The following LAMA5 variants were observed in gnomAD, a reference collection of about 807,000 sequenced individuals.
LAMA5 encodes the protein laminin subunit alpha-5.
Under a neutral mutation model 433.4 loss-of-function variants are expected in LAMA5, and 260 were observed. The ratio of observed to expected loss-of-function variants is 0.60; its 90% CI spans 0.54 to 0.66. The LOEUF (loss-of-function observed/expected upper bound fraction) is 0.66, where lower values mean the gene tolerates loss of function less well. Ranked by LOEUF, LAMA5 falls within the 30% of genes least tolerant of loss-of-function variation. The probability of loss-of-function intolerance (pLI) is 0.00; values close to 1 mark genes in which losing one functional copy is unlikely to be tolerated. For synonymous variants in LAMA5, 2,620 were observed against 2,226.6 expected (o/e 1.18, Z -4.97); for missense variants, 5,378 against 5,258.5 (o/e 1.02, Z -0.70).
chr20:62,329,010 G>A lies in LAMA5; in HGVS notation c.4281C>T (p.Leu1427=). 1 of 1,612,746 alleles carries A rather than the reference G, an allele frequency of 6.2e-7. No homozygotes were observed. ...SLFCRNAAAS[L]SLFYNNGARP... is the part of the protein sequence containing the mutation. ...GGGCTCCGTTGTTATAGAAGAGGGA[G>A]AGGGAAGCAGCAGCGTTTCGGCAGA... is the stretch of plus-strand genomic sequence containing the variant. The change falls in exon 34 of 80, where the codon CTC becomes CTT. Residue 1427 remains leucine (L), a synonymous_variant. Coordinates refer to ENST00000252999, the MANE Select transcript of LAMA5 (RefSeq NM_005560.6).
At position 62,324,106 on chromosome 20, in the gene LAMA5, G is replaced by A. The variant is rs750724054; in HGVS notation, c.5742C>T (p.Pro1914=). Reference sequence around the variant, plus strand: ...TGTTGGAAGGCACTGAGAGGGGGCAGGGGCAGCTGACACAGGGGGCGCTGG... The same window carrying A: ...TGTTGGAAGGCACTGAGAGGGGGCAAGGGCAGCTGACACAGGGGGCGCTGG... ...DDPSAPCVSC[P]CPLSVPSNNF... The change falls in exon 43 of 80, where the codon CCC becomes CCT. Residue 1914 remains proline, a synonymous_variant. Coordinates refer to ENST00000252999, the MANE Select transcript of LAMA5 (RefSeq NM_005560.6). This position sits in a 1 kb window ranked among gnomAD's most constrained non-coding sequence, Gnocchi z 4.4. 3 of 1,524,474 alleles carry A rather than the reference G, an allele frequency of 2.0e-6. No individual in the cohort carries two copies. The South Asian group carries it at 3.9e-5, about 20-fold the overall frequency. The allele number at this position is 1,524,474 out of a possible 1,614,324, so 94.4% of individuals were successfully genotyped here.
At position 62,335,561 on chromosome 20, in the gene LAMA5, C is replaced by G. The variant is rs181852091; in HGVS notation, c.2324-292G>C. Among the ~76,000 whole-genome samples the G allele has an allele frequency of 6.2e-4, 93 of 150,734 alleles. 1 individual carries two copies. In the East Asian group the frequency reaches 0.011, roughly 17 times the overall value. Reference sequence around the variant, plus strand: ...GAGCACACTCAGACTCCAGCCCCCCCCCAGGAACCCCTGTACCCCAACACT... The same window carrying G: ...GAGCACACTCAGACTCCAGCCCCCCGCCAGGAACCCCTGTACCCCAACACT... On this transcript the variant is annotated intron_variant, in intron 18 of 79. Coordinates refer to ENST00000252999, the MANE Select transcript of LAMA5 (RefSeq NM_005560.6).
chr20:62,338,466 A>C lies in LAMA5; in HGVS notation c.1618+2T>G. On this transcript the variant is annotated splice_donor_variant, in intron 12 of 79. Coordinates refer to ENST00000252999, the MANE Select transcript of LAMA5 (RefSeq NM_005560.6). LOFTEE classifies it high-confidence loss of function. ...GAGGTTGAGCGGGGAGAGGGGACTCACGCTGGCAGCCGGGGCCGTAGAACC... is the reference window on the plus strand; with the variant it reads ...GAGGTTGAGCGGGGAGAGGGGACTCCCGCTGGCAGCCGGGGCCGTAGAACC... 6.2e-7 allele frequency: 1 copy of C among 1,608,214 alleles called. No individual in the cohort carries two copies. Among genetic ancestry groups the C allele is most frequent in the African/African-American group, 1.3e-5 (1 of 75,024 alleles).
Position 62,312,184 on chromosome 20 carries a change from G to A in LAMA5, c.9493C>T (p.Arg3165Trp), listed in dbSNP as rs143386487. The change falls in exon 69 of 80, where the codon CGG (arginine) becomes TGG (tryptophan). Residue 3165 changes from arginine to tryptophan, a missense_variant. Transcript: ENST00000252999. ...SAQDSALLYY[R>W]ASPDGLCQVS... ...GTGTGAGGTCTCACCGGGGACGCCC[G>A]GTAGTAGAGCAGGGCACTGTCCTGG... is the stretch of plus-strand genomic sequence containing the variant. 2.9e-4 allele frequency: 464 copies of A among 1,610,504 alleles called. No homozygotes were observed. Among genetic ancestry groups the A allele is most frequent in the Non-Finnish European group, 2.4e-4 (279 of 1,179,170 alleles).
At position 62,317,496 on chromosome 20, in the gene LAMA5, G is replaced by T; in HGVS notation, c.7360C>A (p.Leu2454Met). The T allele has an allele frequency of 6.5e-7, 1 of 1,541,184 alleles. No individual in the cohort carries two copies. Among genetic ancestry groups the T allele is most frequent in the Non-Finnish European group, 8.8e-7 (1 of 1,141,018 alleles). Reference protein sequence around the residue: ...LHSLDQAKEELERLAASLDGA... With the variant: ...LHSLDQAKEEMERLAASLDGA... The stretch of plus-strand genomic sequence containing the variant: ...TCCAGGCTGGCGGCGAGGCGCTCCA[G>T]CTCCTGGAATTTGAGTGGACTTAGC... Residue 2454 changes from leucine (L) to methionine (M), a missense_variant, in exon 55 of 80, where the codon CTG becomes ATG. By Grantham distance (15) the Leu-to-Met change is conservative. Coordinates refer to ENST00000252999, the MANE Select transcript of LAMA5 (RefSeq NM_005560.6).
At chr20:62,320,432 G>A (rs1434711960) in intron 50 of LAMA5, 127 bp downstream of exon 50, 14 of 673,084 alleles carry the variant, frequency 2.1e-5, no homozygotes, top group African/African-American at 5.4e-5. Flanking sequence ...TAAGACTCTC[G>A]AGCTCCTGTC....
At chr20:62,349,344 A>C (rs991568776) in intron 6 of LAMA5, among the ~76,000 whole-genome samples, 2 of 151,684 alleles carry the variant, frequency 1.3e-5, no homozygotes, top group African/African-American at 4.8e-5. Flanking sequence ...CATCACAATA[A>C]ATCTGCAGAA....
At position 62,313,673 on chromosome 20, in the gene LAMA5, G is replaced by A. The variant is rs144487134; in HGVS notation, c.8634C>T (p.Val2878=). 37 of 1,612,630 alleles carry A rather than the reference G, an allele frequency of 2.3e-5. No homozygotes were observed. Among genetic ancestry groups the A allele is most frequent in the Non-Finnish European group, 2.5e-5 (30 of 1,179,966 alleles). ...CCGTGAAGGTACTGGGGTACCCCCC[G>A]ACGTAGAAGACGAAGTCGTCTGGCC... The part of the protein sequence containing the change: ...NLRPDDFVFY[V]GGYPSTFTPP... Residue 2878 remains valine, a synonymous_variant, in exon 63 of 80, where the codon GTC becomes GTT. Coordinates refer to ENST00000252999, the MANE Select transcript of LAMA5 (RefSeq NM_005560.6).
chr20:62,313,045 G>A, intron 65 of LAMA5, 35 bp from the exon 66 acceptor site: 2 of 1,599,556 alleles, frequency 1.3e-6, no homozygotes, highest in Non-Finnish European at 8.5e-7. Context: ...GTGGGGCAGG[G>A]TCAGTGCAAG....
intron 2 of LAMA5, among the ~76,000 whole-genome samples, chr20:62,358,597 T>A (rs780332426): frequency 6.6e-6 from 1 of 152,156 alleles, no homozygotes; most frequent in Non-Finnish European, 1.5e-5. Flanking sequence ...TGAGGCAGCC[T>A]GGGCGCGCTG....
intron 52 of LAMA5, 61 bp downstream of exon 52, chr20:62,318,782 C>G (rs1358131617): frequency 6.3e-7 from 1 of 1,587,882 alleles, no homozygotes; most frequent in Non-Finnish European, 8.6e-7. Flanking sequence ...CTGACCTCCC[C>G]CTTGGAGCTC....
rs554068591 is a variant in LAMA5, at chr20:62,310,700, C to T, written c.10411G>A (p.Gly3471Ser). 144 of 1,601,536 alleles carry T rather than the reference C, an allele frequency of 9.0e-5. 2 individuals are homozygous for T. Among genetic ancestry groups the T allele is most frequent in the East Asian group, 5.8e-4 (26 of 44,848 alleles). The change falls in exon 75 of 80, where the codon GGC (glycine) becomes AGC (serine). Residue 3471 changes from glycine (G) to serine (S), a missense_variant. Gly to Ser is a moderately conservative substitution (Grantham distance 56, BLOSUM62 0). Transcript: ENST00000252999. ...GAGCTGTGGCTGCTGGCCGGGAGGC[C>T]GCCCACAAAGAGGGTGTGGGGCTGG... ...HPQPHTLFVG[G>S]LPASSHSSKL...
chr20:62,361,428 C>A (rs1986119360), intron 2 of LAMA5, among the ~76,000 whole-genome samples: 1 of 152,216 alleles, frequency 6.6e-6, no homozygotes, highest in Non-Finnish European at 1.5e-5. Context: ...CGGGCCAGGC[C>A]TGCAGACCAC....
intron 16 of LAMA5, chr20:62,337,059 C>T: frequency 1.5e-6 from 1 of 651,068 alleles, no homozygotes; most frequent in East Asian, 3.0e-5. Flanking sequence ...GTGTGTGACA[C>T]ACGTCTGAAC....
chr20:62,329,798 G>A lies in LAMA5; in HGVS notation c.4098C>T (p.Pro1366=), dbSNP rs765064927. 24 of 1,612,172 alleles carry A rather than the reference G, an allele frequency of 1.5e-5. No individual in the cohort carries two copies. In the African/African-American group the frequency reaches 1.6e-4, roughly 11 times the overall value. The change falls in exon 32 of 80, where the codon CCC becomes CCT. Residue 1366 remains proline, a synonymous_variant. Transcript: ENST00000252999. The part of the protein sequence containing the change: ...HSELTVTVRV[P]KGRWLWLDYV... Reference sequence around the variant, plus strand: ...TCACCAGCCAGAGCCACCGGCCCTTGGGCACACGCACGGTCACAGTGAGCT... The same window carrying A: ...TCACCAGCCAGAGCCACCGGCCCTTAGGCACACGCACGGTCACAGTGAGCT...
rs749797460 is a variant in LAMA5 at position 62,331,013 on chromosome 20, C to A, written c.3650+19G>T. ...GGGCCCTCGGCCGCGCCCCTCCCAGCCCCATTACCTGCCATTACCTGTTGG... is the reference window on the plus strand; with the variant it reads ...GGGCCCTCGGCCGCGCCCCTCCCAGACCCATTACCTGCCATTACCTGTTGG... On this transcript the variant is annotated intron_variant, in intron 29 of 79. Coordinates refer to ENST00000252999, the MANE Select transcript of LAMA5 (RefSeq NM_005560.6). The A allele has an allele frequency of 1.5e-5, 24 of 1,590,364 alleles. No homozygotes were observed. The highest frequency in any genetic ancestry group is 2.1e-5 in the Non-Finnish European group (24 of 1,169,316).
Position 62,346,191 on chromosome 20 carries a change from G to C in LAMA5, c.1307C>G (p.Thr436Arg). 6.2e-7 allele frequency: 1 copy of C among 1,612,296 alleles called. No homozygotes were observed. Among genetic ancestry groups the C allele is most frequent in the Non-Finnish European group, 8.5e-7 (1 of 1,179,688 alleles). ...CRRCNCESDF[T>R]DGTCEDLTGR... The stretch of plus-strand genomic sequence containing the variant: ...CGTCAGGTCCTCGCAGGTGCCATCC[G>C]TGAAGTCGGACTCGCAGTTGCAGCC... Residue 436 changes from threonine to arginine, a missense_variant, in exon 10 of 80, where the codon ACG becomes AGG. By Grantham distance (71) the Thr-to-Arg change is moderately conservative. Transcript: ENST00000252999.
chr20:62,332,945 G>GAGGCAGGAGGCAGA (rs2146201525), intron 26 of LAMA5, 145 bp downstream of exon 26: 1 of 1,101,930 alleles, frequency 9.1e-7, no homozygotes, highest in South Asian at 1.8e-5. Flanking sequence ...CAGGAGGCAG[G>GAGGCAGGAGGCAGA]AGGCAGGGGC....
intron 11 of LAMA5, among the ~76,000 whole-genome samples, chr20:62,339,488 G>T (rs1000639663): frequency 6.6e-6 from 1 of 151,902 alleles, no homozygotes; most frequent in Admixed American, 6.6e-5. Context: ...CGCCTGCCTC[G>T]GCCTCCCAAA....
Sources: allele counts gnomAD v4.1 joint callset (sites outside exome capture counted in the v4.1 genomes callset), GRCh38; gene constraint gnomAD v4.1.1; non-coding constraint Gnocchi (gnomAD v3.1); transcripts MANE v1.5; gene names NCBI Gene and HGNC (gene_info 2026-07-23, HGNC 2026-07-21).